APOO: variants seen among roughly 807,000 people sequenced by gnomAD.
The protein encoded by APOO is apolipoprotein O.
A neutral mutation model predicts 23.1 loss-of-function variants in APOO; 11 were observed. That is an observed-to-expected ratio of 0.48 (90% CI 0.30 to 0.79). The LOEUF is 0.79. Ranked by LOEUF, APOO falls within the 30% of genes least tolerant of loss-of-function variation. APOO has a pLI of 0.07. For missense variants in APOO, 160 were observed against 142.7 expected (o/e 1.12, Z -0.62); for synonymous variants, 59 against 54.8 (o/e 1.08, Z -0.34).
intron 1 of APOO, among the ~76,000 whole-genome samples, chrX:23,900,427 A>G (rs1355592033): frequency 9.0e-6 from 1 of 111,030 alleles, no homozygotes; most frequent in Non-Finnish European, 1.9e-5. Context: ...TAATCCCAGC[A>G]CTTTGGGAGG....
intron 1 of APOO, among the ~76,000 whole-genome samples, chrX:23,888,416 G>A (rs1428411474): frequency 8.9e-6 from 1 of 111,970 alleles, no homozygotes; most frequent in African/African-American, 3.2e-5. Flanking sequence ...AATATTTACT[G>A]CACACCCACA....
chrX:23,888,976 C>CAA (rs35852743), intron 1 of APOO, among the ~76,000 whole-genome samples: 1,317 of 64,017 alleles, frequency 0.021, 38 homozygotes, highest in African/African-American at 0.069. Flanking sequence ...TCCATCTCTA[C>CAA]AAAAAAAAAA....
intron 7 of APOO, among the ~76,000 whole-genome samples, chrX:23,855,506 T>C (rs1481245523): frequency 3.6e-5 from 4 of 111,472 alleles, no homozygotes; most frequent in Non-Finnish European, 7.5e-5. Flanking sequence ...TTAAAAAGTA[T>C]TTTCATTGAA....
At chrX:23,841,058 T>TA (rs1230941679) in intron 7 of APOO, among the ~76,000 whole-genome samples, 1 of 112,086 alleles carries the variant, frequency 8.9e-6, no homozygotes, top group Non-Finnish European at 1.9e-5. Context: ...GAAAACACAT[T>TA]AATAGTCAGA....
chrX:23,865,172 G>A (rs151332696), intron 5 of APOO, among the ~76,000 whole-genome samples: 5 of 111,447 alleles, frequency 4.5e-5, no homozygotes, highest in African/African-American at 1.6e-4. Context: ...CAACAACCAC[G>A]TGTCATCTTG....
chrX:23,897,081 G>A (rs903301743), intron 1 of APOO, among the ~76,000 whole-genome samples: 1 of 111,739 alleles, frequency 8.9e-6, no homozygotes, highest in African/African-American at 3.3e-5. Context: ...ACTGTAAACA[G>A]ACTACAATCT....
intron 1 of APOO, among the ~76,000 whole-genome samples, chrX:23,902,554 C>T (rs1927172112): frequency 8.9e-6 from 1 of 111,796 alleles, no homozygotes; most frequent in African/African-American, 3.3e-5. Flanking sequence ...AATATTCAAA[C>T]TTCCTGCAGC....
intron 3 of APOO, among the ~76,000 whole-genome samples, chrX:23,876,033 G>A (rs1464284350): frequency 2.7e-5 from 3 of 110,033 alleles, no homozygotes; most frequent in Non-Finnish European, 5.7e-5. Flanking sequence ...GGAGGCCAAG[G>A]CAGGTGGATC....
intron 8 of APOO, chrX:23,836,598 C>T: frequency 1.6e-6 from 1 of 643,779 alleles, no homozygotes; most frequent in Non-Finnish European, 2.3e-6. Context: ...CAGGCGTGAG[C>T]CACCACGCCC....
chrX:23,857,720 C>T (rs1429344710), intron 6 of APOO, among the ~76,000 whole-genome samples: 1 of 111,360 alleles, frequency 9.0e-6, no homozygotes, highest in Non-Finnish European at 1.9e-5. Context: ...GTGGTAGTTC[C>T]AGCAGCTAAA....
At chrX:23,842,806 C>T (rs1037577833) in intron 7 of APOO, among the ~76,000 whole-genome samples, 7 of 111,832 alleles carry the variant, frequency 6.3e-5, no homozygotes, top group South Asian at 3.7e-4. Flanking sequence ...GTCAGGAGTT[C>T]GAGACCAGCC....
intron 3 of APOO, 81 bp from the exon 4 acceptor site, chrX:23,874,538 T>C (rs1452999113): frequency 1.2e-6 from 1 of 816,012 alleles, no homozygotes; most frequent in Non-Finnish European, 1.8e-6. Flanking sequence ...TATACTTGTT[T>C]TTACTGAATA....
intron 1 of APOO, among the ~76,000 whole-genome samples, chrX:23,890,434 G>C (rs761540753): frequency 8.9e-6 from 1 of 112,036 alleles, no homozygotes; most frequent in Non-Finnish European, 1.9e-5. Context: ...GCCACGAGAA[G>C]AGCTTCTAGA....
chrX:23,851,489 C>T (rs1399410515), intron 7 of APOO, among the ~76,000 whole-genome samples: 1 of 111,581 alleles, frequency 9.0e-6, no homozygotes, highest in African/African-American at 3.2e-5. Flanking sequence ...CACCGCGCCC[C>T]ACGGTAATTT....
intron 5 of APOO, among the ~76,000 whole-genome samples, chrX:23,861,459 T>C (rs1469321134): frequency 9.3e-6 from 1 of 107,109 alleles, no homozygotes; most frequent in Non-Finnish European, 1.9e-5. Context: ...TGCAGAACTG[T>C]GAGCCAACTA....
At chrX:23,874,498 A>G (rs1476570529) in intron 3 of APOO, 41 bp from the exon 4 acceptor site, 2 of 1,045,317 alleles carry the variant, frequency 1.9e-6, no homozygotes, top group Non-Finnish European at 1.3e-6. Flanking sequence ...TATTCACAGG[A>G]TCTGCTGATT....
intron 1 of APOO, among the ~76,000 whole-genome samples, chrX:23,906,431 T>G (rs1340911564): frequency 8.9e-6 from 1 of 112,405 alleles, no homozygotes; most frequent in African/African-American, 3.2e-5. Context: ...TTTGAGGAGC[T>G]GAGGGCCCCA....
chrX:23,884,495 A>G (rs1050821832), intron 1 of APOO, among the ~76,000 whole-genome samples: 5 of 112,153 alleles, frequency 4.5e-5, no homozygotes, highest in African/African-American at 1.3e-4. Context: ...TGTGTACAAC[A>G]TGCTGTTTTG....
intron 7 of APOO, among the ~76,000 whole-genome samples, chrX:23,843,552 C>T (rs1924092027): frequency 1.8e-5 from 2 of 108,410 alleles, no homozygotes; most frequent in South Asian, 7.9e-4. Context: ...ATTTTCTTAC[C>T]ACGTCCATGA....
Sources: gnomAD v4.1 joint callset for allele counts (sites outside exome capture counted in the v4.1 genomes callset) on GRCh38, gnomAD v4.1.1 for gene constraint, MANE v1.5 for transcripts, NCBI Gene and HGNC (gene_info 2026-07-23, HGNC 2026-07-21) for gene names.